The following THEMIS variants were observed in gnomAD, a reference collection of about 807,000 sequenced individuals.
THEMIS encodes protein THEMIS.
Under a neutral mutation model 52.6 loss-of-function variants are expected in THEMIS, and 37 were observed. The observed-to-expected ratio is 0.70, with a 90% confidence interval of 0.54 to 0.93. THEMIS has a LOEUF of 0.93. Ranked by LOEUF, THEMIS falls within the 40% of genes least tolerant of loss-of-function variation. THEMIS has a pLI of 0.00. For synonymous variants in THEMIS, 292 were observed against 272.7 expected (o/e 1.07, Z -0.70); for missense variants, 808 against 763.1 (o/e 1.06, Z -0.69).
At chr6:127,848,158 A>G (rs1583347808) in intron 2 of THEMIS, among the ~76,000 whole-genome samples, 1 of 142,270 alleles carries the variant, frequency 7.0e-6, no homozygotes, top group South Asian at 2.2e-4. Flanking sequence ...CCACCTATGA[A>G]TGAGAACATG....
At chr6:127,810,757 G>A (rs111884250) in intron 4 of THEMIS, among the ~76,000 whole-genome samples, 7 of 152,074 alleles carry the variant, frequency 4.6e-5, no homozygotes, top group African/African-American at 1.7e-4. Context: ...CAGGAGATGG[G>A]CATTAATCCA....
At chr6:127,803,058 T>A (rs1361613788) in intron 4 of THEMIS, among the ~76,000 whole-genome samples, 1 of 152,214 alleles carries the variant, frequency 6.6e-6, no homozygotes, top group Non-Finnish European at 1.5e-5. Flanking sequence ...ATCCTACACC[T>A]ACCATATGCT....
At chr6:127,861,979 A>G (rs934030831) in intron 1 of THEMIS, among the ~76,000 whole-genome samples, 1 of 152,040 alleles carries the variant, frequency 6.6e-6, no homozygotes, top group African/African-American at 2.4e-5. Context: ...CTAATTCATG[A>G]TGGATCAGAA....
Position 127,822,288 on chromosome 6 carries a change from T to C in THEMIS, c.709+7188A>G, listed in dbSNP as rs1247666302. On this transcript the variant is annotated intron_variant, in intron 3 of 5. Transcript: ENST00000368248. ...CAGTTCATTCATTTGATCTCAATTT[T>C]CTTTATGGATATTCTGCAAATTATT... Among the ~76,000 whole-genome samples, 3 of 152,182 alleles carry C rather than the reference T, an allele frequency of 2.0e-5. No homozygotes were observed. The East Asian group carries it at 5.8e-4, about 29-fold the overall frequency.
At chr6:127,703,035 G>GTTTTTTTTTTTT in the THEMIS span, among the ~76,000 whole-genome samples, 95 of 82,380 alleles carry the variant, frequency 1.2e-3, 10 homozygotes, top group East Asian at 1.7e-3. Flanking sequence ...TTTAGAATGA[G>GTTTTTTTTTTTT]TTTTTTTTTT....
intron 4 of THEMIS, among the ~76,000 whole-genome samples, chr6:127,739,635 T>C (rs183631044): frequency 4.3e-4 from 65 of 152,226 alleles, no homozygotes; most frequent in African/African-American, 1.5e-3. Context: ...GCGAGACTCC[T>C]TCTCGTAAAA....
intron 2 of THEMIS, among the ~76,000 whole-genome samples, chr6:127,843,459 A>C (rs1052250486): frequency 5.3e-5 from 8 of 152,014 alleles, no homozygotes; most frequent in African/African-American, 1.9e-4. Flanking sequence ...GAAAATATAT[A>C]TCAGATTTTA....
rs1562212658 is a variant in THEMIS at position 127,719,731 on chromosome 6, A to G, written c.1851T>C (p.Asp617=). The G allele has an allele frequency of 1.5e-5, 24 of 1,612,218 alleles. No individual in the cohort carries two copies. Among genetic ancestry groups the G allele is most frequent in the Non-Finnish European group, 2.0e-5 (23 of 1,178,932 alleles). ...CACGGTTGCTCCTTTCTTTCTCTTC[A>G]TCCACCAAATCATTCTGACTACCAA... ...VLIGSQNDLV[D]EEKERSNRGA... The change falls in exon 5 of 6, where the codon GAT becomes GAC. Residue 617 remains aspartate, a synonymous_variant. Transcript: ENST00000368248.
downstream of THEMIS, among the ~76,000 whole-genome samples, chr6:127,703,868 A>C (rs72965725): frequency 0.055 from 8,381 of 152,176 alleles, 266 homozygotes; most frequent in Non-Finnish European, 0.08. Context: ...AAAGAACAGA[A>C]ATTTATTGCT....
At chr6:127,910,939 T>A (rs974165133) in intron 1 of THEMIS, among the ~76,000 whole-genome samples, 2 of 152,130 alleles carry the variant, frequency 1.3e-5, no homozygotes, top group African/African-American at 2.4e-5. Flanking sequence ...TCTCAGACAT[T>A]CCTTGTTTCT....
At chr6:127,838,077 A>T (rs1380761653) in intron 2 of THEMIS, among the ~76,000 whole-genome samples, 2 of 152,102 alleles carry the variant, frequency 1.3e-5, no homozygotes, top group Non-Finnish European at 2.9e-5. Context: ...TCAGCACAGT[A>T]CTGGTTCCAG....
chr6:127,864,737 A>C (rs1282215201), intron 1 of THEMIS, among the ~76,000 whole-genome samples: 1 of 152,056 alleles, frequency 6.6e-6, no homozygotes, highest in Non-Finnish European at 1.5e-5. Flanking sequence ...GGCCTCCATC[A>C]ACACTTACCT....
At chr6:127,762,169 T>C (rs1337397518) in intron 4 of THEMIS, among the ~76,000 whole-genome samples, 1 of 152,098 alleles carries the variant, frequency 6.6e-6, no homozygotes, top group African/African-American at 2.4e-5. Flanking sequence ...AAGATAAATA[T>C]ATCACGATTC....
chr6:127,697,923 T>A, the THEMIS span, among the ~76,000 whole-genome samples: 1 of 152,286 alleles, frequency 6.6e-6, no homozygotes, highest in Non-Finnish European at 1.5e-5. Context: ...ACTAATTTTG[T>A]CAAAATCAAG....
At chr6:127,859,349 C>G (rs112698414) in intron 1 of THEMIS, among the ~76,000 whole-genome samples, 3,218 of 152,180 alleles carry the variant, frequency 0.021, 66 homozygotes, top group Non-Finnish European at 0.031. Flanking sequence ...GCACTTCATG[C>G]GTATCTCCAT....
Position 127,747,366 on chromosome 6 carries a change from ATAT to A in THEMIS, c.1759-27546_1759-27544del, listed in dbSNP as rs202205432. ...GATACAATTATAGATATATAATATAATATTATATTATATATTATAGATATAGAT... is the reference window on the plus strand; with the variant it reads ...GATACAATTATAGATATATAATATAATATATTATATATTATAGATATAGAT... On this transcript the variant is annotated intron_variant, in intron 4 of 5. Coordinates refer to ENST00000368248, the MANE Select transcript of THEMIS (RefSeq NM_001010923.3). Among the ~76,000 whole-genome samples, 514 of 144,782 alleles carry A rather than the reference ATAT, an allele frequency of 3.6e-3. 4 individuals are homozygous for A. The highest frequency in any genetic ancestry group is 0.012 in the African/African-American group (495 of 40,198). 95.0% of individuals were successfully genotyped at this position (144,782 alleles called of 152,430 possible). A position where few individuals can be genotyped will look rare whatever the true frequency, so the allele number is the denominator to read the frequency against.
chr6:127,840,354 A>T (rs1779004804), intron 2 of THEMIS, among the ~76,000 whole-genome samples: 1 of 152,124 alleles, frequency 6.6e-6, no homozygotes, highest in African/African-American at 2.4e-5. Context: ...GCCTTGAAGA[A>T]TATTTAATGA....
At chr6:127,769,111 A>G (rs1289943174) in intron 4 of THEMIS, among the ~76,000 whole-genome samples, 1 of 152,218 alleles carries the variant, frequency 6.6e-6, no homozygotes, top group Non-Finnish European at 1.5e-5. Flanking sequence ...ATGAAACATT[A>G]ATTATACTTG....
intron 5 of THEMIS, among the ~76,000 whole-genome samples, chr6:127,715,304 T>C (rs1407180478): frequency 6.6e-6 from 1 of 151,948 alleles, no homozygotes; most frequent in African/African-American, 2.4e-5. Context: ...TTTTAAATCA[T>C]TGGTTAAAAA....
Sources: gnomAD v4.1 joint callset for allele counts (sites outside exome capture counted in the v4.1 genomes callset) on GRCh38, gnomAD v4.1.1 for gene constraint, MANE v1.5 for transcripts, NCBI Gene and HGNC (gene_info 2026-07-23, HGNC 2026-07-21) for gene names.